CDKL1: variants seen among roughly 807,000 people sequenced by gnomAD.
CDKL1 encodes cyclin dependent kinase like 1.
Under a neutral mutation model 42.0 loss-of-function variants are expected in CDKL1, and 41 were observed. The ratio of observed to expected loss-of-function variants is 0.98; its 90% CI spans 0.76 to 1.27. CDKL1 has a LOEUF of 1.27. Among genes scored for constraint, CDKL1 ranks in the 50% most tolerant of loss-of-function variants. The pLI, the probability that CDKL1 is intolerant of heterozygous loss-of-function variation, is 0.00. For synonymous variants in CDKL1, 153 were observed against 158.6 expected, an observed-to-expected ratio of 0.96 and a Z score of 0.26; for missense variants, 394 against 428.4, an observed-to-expected ratio of 0.92 and a Z score of 0.71.
intron 3 of CDKL1, among the ~76,000 whole-genome samples, chr14:50,354,958 A>T (rs888968251): frequency 1.3e-5 from 2 of 152,118 alleles, no homozygotes. Flanking sequence ...ATCAATAACA[A>T]TCATAACTCA....
intron 2 of CDKL1, among the ~76,000 whole-genome samples, chr14:50,375,100 A>G (rs115773206): frequency 0.021 from 3,211 of 152,298 alleles, 105 homozygotes; most frequent in African/African-American, 0.073. Context: ...AACTTATTAA[A>G]AAAAATTAAA....
At chr14:50,344,116 C>T (rs2033646328) in intron 4 of CDKL1, among the ~76,000 whole-genome samples, 2 of 152,302 alleles carry the variant, frequency 1.3e-5, no homozygotes, top group Admixed American at 6.5e-5. Flanking sequence ...TTGGATGGGG[C>T]AGCAGGCTTC....
chr14:50,326,399 G>A lies in CDKL1; in HGVS notation c.*3675C>T. 1.1e-6 allele frequency: 1 copy of A among 950,684 alleles called. No homozygotes were observed. Among genetic ancestry groups the A allele is most frequent in the Non-Finnish European group, 1.3e-6 (1 of 798,466 alleles). 58.9% of individuals were successfully genotyped at this position (950,684 alleles called of 1,614,324 possible). Reference sequence around the variant, plus strand: ...TAATTTACATTTAACTTTAAAGTTAGTGAAGCATACTACCATAAATGCACA... The same window carrying A: ...TAATTTACATTTAACTTTAAAGTTAATGAAGCATACTACCATAAATGCACA... On this transcript the variant is annotated 3_prime_UTR_variant, in exon 10 of 10. Coordinates refer to ENST00000395834, the MANE Select transcript of CDKL1 (RefSeq NM_004196.7).
At chr14:50,331,814 T>C in intron 9 of CDKL1, 1 of 570,132 alleles carries the variant, frequency 1.8e-6, no homozygotes, top group East Asian at 2.9e-5. Context: ...CACTCATCAC[T>C]GTATTTGCCC....
At chr14:50,370,348 C>A (rs4901023) in intron 2 of CDKL1, among the ~76,000 whole-genome samples, 39,458 of 152,182 alleles carry the variant, frequency 0.26, 5,976 homozygotes, top group African/African-American at 0.41. Context: ...GGATTACAGG[C>A]GTGAGCCCCT....
chr14:50,333,353 C>G (rs1394861966), intron 8 of CDKL1: 2 of 152,132 alleles, frequency 1.3e-5, no homozygotes, highest in Non-Finnish European at 1.5e-5. Context: ...TCTGGTTGTC[C>G]TCACTCCTCG....
At chr14:50,381,193 A>G (rs1226680554) in intron 2 of CDKL1, among the ~76,000 whole-genome samples, 3 of 152,210 alleles carry the variant, frequency 2.0e-5, no homozygotes, top group Non-Finnish European at 4.4e-5. Flanking sequence ...TTCAGGCCAT[A>G]TGACTTGGCA....
intron 2 of CDKL1, among the ~76,000 whole-genome samples, chr14:50,370,681 G>A (rs2034565618): frequency 6.6e-6 from 1 of 152,172 alleles, no homozygotes. Flanking sequence ...TTAGCTTCTA[G>A]GGAGGCCTCA....
chr14:50,382,459 ATTT>A (rs989500791), intron 2 of CDKL1, among the ~76,000 whole-genome samples: 1 of 149,720 alleles, frequency 6.7e-6, no homozygotes, highest in Non-Finnish European at 1.5e-5. Context: ...TCAAAAAAAA[ATTT>A]TTTTTTTTCA....
chr14:50,359,704 T>G (rs2034178722), intron 2 of CDKL1, among the ~76,000 whole-genome samples: 1 of 151,734 alleles, frequency 6.6e-6, no homozygotes, highest in Non-Finnish European at 1.5e-5. Flanking sequence ...CAAAATTGTG[T>G]TGTTGTACTT....
intron 2 of CDKL1, among the ~76,000 whole-genome samples, chr14:50,386,129 G>GA (rs1566610276): frequency 2.3e-4 from 35 of 151,584 alleles, no homozygotes; most frequent in African/African-American, 8.2e-4. Flanking sequence ...AGAGAGAGAG[G>GA]CAGAAACAGG....
upstream of CDKL1, chr14:50,397,217 C>A (rs769669310): frequency 1.5e-6 from 2 of 1,366,640 alleles, no homozygotes; most frequent in Non-Finnish European, 2.0e-6. Flanking sequence ...AGTCCCCACA[C>A]CTCAGAACCG....
intron 2 of CDKL1, chr14:50,376,288 A>G (rs1566603010): frequency 2.3e-6 from 1 of 444,086 alleles, no homozygotes; most frequent in Non-Finnish European, 4.6e-6. Context: ...ATCTAAAACT[A>G]TTCTAAAAAT....
At chr14:50,339,767 AC>A (rs902559182) in intron 6 of CDKL1, among the ~76,000 whole-genome samples, 173 of 152,314 alleles carry the variant, frequency 1.1e-3, no homozygotes, top group African/African-American at 3.9e-3. Context: ...CATTTCCATC[AC>A]ATCAGCTAAA....
chr14:50,383,566 C>A lies in CDKL1; in HGVS notation c.168+12135G>T, dbSNP rs201575344. On this transcript the variant is annotated intron_variant, in intron 2 of 9. Transcript: ENST00000395834. The stretch of plus-strand genomic sequence containing the variant: ...AGACTGTCTCAAAAAAAAAAAAAAA[C>A]AAACAACAACAACAACAACAACAAA... Among the ~76,000 whole-genome samples, 24 of 55,698 alleles carry A rather than the reference C, an allele frequency of 4.3e-4. No individual in the cohort carries two copies. In the South Asian group the frequency reaches 6.6e-3, roughly 15 times the overall value. The allele number at this position is 55,698 out of a possible 152,430, so 36.5% of individuals were successfully genotyped here.
intron 2 of CDKL1, among the ~76,000 whole-genome samples, chr14:50,385,070 CAAAAAAAAAAAAAAAA>C (rs55719234): frequency 1.4e-4 from 13 of 93,554 alleles, no homozygotes; most frequent in South Asian, 4.6e-4. Context: ...GACTCTGTCT[CAAAAAAAAAAAAAAAA>C]AAAAAAAAAA....
chr14:50,359,141 C>T lies in CDKL1; in HGVS notation c.177G>A (p.Lys59=), dbSNP rs977664738. ...LREIRMLKQL[K]HPNLVNLLEV... is the part of the protein sequence containing the mutation. ...CCAGGAGGTTAACAAGGTTGGGATG[C>T]TTGAGTTGCTGAAAACACAAAAAAA... Residue 59 remains lysine, a synonymous_variant, in exon 3 of 10, where the codon AAG becomes AAA. Coordinates refer to ENST00000395834, the MANE Select transcript of CDKL1 (RefSeq NM_004196.7). 1.9e-6 allele frequency: 3 copies of T among 1,606,310 alleles called. No homozygotes were observed. The highest frequency in any genetic ancestry group is 2.6e-6 in the Non-Finnish European group (3 of 1,175,304).
intron 1 of CDKL1, 62 bp from the exon 2 acceptor site, chr14:50,396,391 G>T (rs946963592): frequency 1.3e-5 from 13 of 985,670 alleles, no homozygotes; most frequent in Non-Finnish European, 1.6e-5. Context: ...ATGGCAACGC[G>T]ATCAGGAGTA....
chr14:50,330,045 CTTTT>C lies in CDKL1; in HGVS notation c.*25_*28del. 1 of 1,598,606 alleles carries C rather than the reference CTTTT, an allele frequency of 6.3e-7. No individual in the cohort carries two copies. The highest frequency in any genetic ancestry group is 8.5e-7 in the Non-Finnish European group (1 of 1,176,236). On this transcript the variant is annotated 3_prime_UTR_variant, in exon 10 of 10. Transcript: ENST00000395834. Reference sequence around the variant, plus strand: ...TTTTCTTCAAAGCATCTATTGATTCCTTTTTTAAAATCATGTCTCCTAGCTCCTT... The same window carrying C: ...TTTTCTTCAAAGCATCTATTGATTCCTTAAAATCATGTCTCCTAGCTCCTT...
Sources: gnomAD v4.1 joint callset for allele counts (sites outside exome capture counted in the v4.1 genomes callset) on GRCh38, gnomAD v4.1.1 for gene constraint, MANE v1.5 for transcripts, NCBI Gene and HGNC (gene_info 2026-07-23, HGNC 2026-07-21) for gene names.